Variants in VAV1 observed in about 807,000 individuals in gnomAD.
VAV1 encodes proto-oncogene vav.
A neutral mutation model predicts 128.1 loss-of-function variants in VAV1; 33 were observed. The ratio of observed to expected loss-of-function variants is 0.26; its 90% CI spans 0.20 to 0.34. VAV1 has a LOEUF of 0.34. VAV1 is among the 10% of genes least tolerant of loss of function. The probability of loss-of-function intolerance (pLI) is 1.00; values close to 1 mark genes in which losing one functional copy is unlikely to be tolerated. For missense variants in VAV1, 715 were observed against 1,093.7 expected, an observed-to-expected ratio of 0.65 and a Z score of 4.88; for synonymous variants, 394 against 409.8, an observed-to-expected ratio of 0.96 and a Z score of 0.47.
chr19:6,808,264 A>T (rs563771214), intron 1 of VAV1, among the ~76,000 whole-genome samples: 20 of 151,944 alleles, frequency 1.3e-4, no homozygotes, highest in Non-Finnish European at 2.6e-4. Context: ...GTGAGCCAAG[A>T]TCACACCATT....
At chr19:6,818,024 G>GC (rs1236976758) in intron 1 of VAV1, among the ~76,000 whole-genome samples, 1 of 152,070 alleles carries the variant, frequency 6.6e-6, no homozygotes, top group Non-Finnish European at 1.5e-5. Context: ...TCATTATGTG[G>GC]CCCCAGGCTG....
At chr19:6,816,264 C>T (rs1971646326) in intron 1 of VAV1, among the ~76,000 whole-genome samples, 1 of 152,070 alleles carries the variant, frequency 6.6e-6, no homozygotes, top group African/African-American at 2.4e-5. Context: ...TCATGATCTG[C>T]CCTCCTCGGC....
Position 6,828,362 on chromosome 19 carries a change from T to G in VAV1, c.1024-57T>G. ...TGAGCTAGCATTGTTTGGAAGGCCC[T>G]CCCCGCAGGGAGAAGGGGAGGGGCC... On this transcript the variant is annotated intron_variant, in intron 10 of 26. Coordinates refer to ENST00000602142, the MANE Select transcript of VAV1 (RefSeq NM_005428.4). The surrounding 1 kb of genome is among the most constrained non-coding windows in gnomAD (Gnocchi z 4.5). The G allele has an allele frequency of 1.2e-6, 2 of 1,604,342 alleles. No homozygotes were observed. Among genetic ancestry groups the G allele is most frequent in the Admixed American group, 3.3e-5 (2 of 59,856 alleles).
At chr19:6,832,570 C>CCTTCCTCCTCCTCGCCCTCCTCTTCCT (rs1568309585) in intron 15 of VAV1, among the ~76,000 whole-genome samples, 5 of 123,848 alleles carry the variant, frequency 4.0e-5, no homozygotes, top group Non-Finnish European at 7.9e-5. Flanking sequence ...TCCTTCCTCC[C>CCTTCCTCCTCCTCGCCCTCCTCTTCCT]CTTCCTCCTC....
chr19:6,853,861 A>G, intron 25 of VAV1, 86 bp from the exon 26 acceptor site: 1 of 1,532,462 alleles, frequency 6.5e-7, no homozygotes, highest in Non-Finnish European at 8.8e-7. Context: ...TTTATCCTGG[A>G]GTTACTGTCC....
chr19:6,838,758 C>T (rs1972294362), intron 21 of VAV1, among the ~76,000 whole-genome samples: 1 of 152,028 alleles, frequency 6.6e-6, no homozygotes, highest in African/African-American at 2.4e-5. Context: ...GAGAGAGGGT[C>T]TCATTCTGTC....
At position 6,820,907 on chromosome 19, in the gene VAV1, A is replaced by C; in HGVS notation, c.321+89A>C. On this transcript the variant is annotated intron_variant, in intron 2 of 26. Transcript: ENST00000602142. This position sits in a 1 kb window ranked among gnomAD's most constrained non-coding sequence, Gnocchi z 4.4. ...GGCAAGCTAAGGACTGTCAGGGGAC[A>C]GGCAGACAAGCCAGACCAGGCCATA... 7.8e-7 allele frequency: 1 copy of C among 1,280,196 alleles called. No individual in the cohort carries two copies. Among genetic ancestry groups the C allele is most frequent in the South Asian group, 1.2e-5 (1 of 82,558 alleles). 79.3% of individuals were successfully genotyped at this position (1,280,196 alleles called of 1,614,324 possible).
intron 1 of VAV1, among the ~76,000 whole-genome samples, chr19:6,782,780 G>C (rs184235761): frequency 6.6e-6 from 1 of 152,114 alleles, no homozygotes; most frequent in East Asian, 1.9e-4. Context: ...TACCTAGGAC[G>C]CTGAGGCAGG....
intron 1 of VAV1, among the ~76,000 whole-genome samples, chr19:6,795,649 G>A (rs1971116706): frequency 6.6e-6 from 1 of 151,960 alleles, no homozygotes; most frequent in Non-Finnish European, 1.5e-5. Flanking sequence ...GGTCCTGCTG[G>A]TTTTGGGGTT....
At chr19:6,824,160 C>A (rs1971859168) in intron 6 of VAV1, among the ~76,000 whole-genome samples, 1 of 151,804 alleles carries the variant, frequency 6.6e-6, no homozygotes, top group African/African-American at 2.4e-5. Flanking sequence ...AGGCTGGTCT[C>A]CTACTCCTGG....
chr19:6,825,264 T>G, intron 7 of VAV1, 39 bp from the exon 8 acceptor site: 3 of 1,592,780 alleles, frequency 1.9e-6, no homozygotes, highest in Non-Finnish European at 2.6e-6. Context: ...CCCTGAGCCC[T>G]GGGCTCTGGT....
rs200232544 is a variant in VAV1, at chr19:6,848,055, C to T, written c.2070C>T (p.Asp690=). Residue 690 remains aspartate, a synonymous_variant, in exon 23 of 27, where the codon GAC becomes GAT. Coordinates refer to ENST00000602142, the MANE Select transcript of VAV1 (RefSeq NM_005428.4). ...GAESILANRS[D]GTFLVRQRVK... is the part of the protein sequence containing the mutation. ...AGAGCATCCTGGCCAACCGCTCGGA[C>T]GGGACTTTCTTGGTGCGGCAGAGGG... 1.9e-5 allele frequency: 29 copies of T among 1,542,498 alleles called. No homozygotes were observed. Among genetic ancestry groups the T allele is most frequent in the East Asian group, 1.8e-4 (7 of 38,300 alleles).
At chr19:6,836,161 A>C (rs1972217443) in intron 19 of VAV1, 3 of 320,416 alleles carry the variant, frequency 9.4e-6, no homozygotes, top group South Asian at 6.9e-5. Flanking sequence ...GACATGAGCC[A>C]CCGTGCCCAG....
At chr19:6,848,547 C>T (rs983911584) in intron 23 of VAV1, among the ~76,000 whole-genome samples, 4 of 150,914 alleles carry the variant, frequency 2.7e-5, no homozygotes, top group Non-Finnish European at 5.9e-5. Flanking sequence ...GGATTACAGG[C>T]GCCTGTGACC....
At chr19:6,804,645 G>T (rs888805395) in intron 1 of VAV1, among the ~76,000 whole-genome samples, 2 of 151,386 alleles carry the variant, frequency 1.3e-5, no homozygotes, top group Admixed American at 6.6e-5. Context: ...TCAAATTTCC[G>T]ACCTCAGGTG....
rs185080588 is a variant in VAV1 at position 6,779,845 on chromosome 19, C to T, written c.204+6834C>T. Among the ~76,000 whole-genome samples the T allele has an allele frequency of 6.2e-3, 917 of 148,742 alleles. 22 individuals are homozygous for T. Among genetic ancestry groups the T allele is most frequent in the African/African-American group, 0.022 (893 of 40,920 alleles). On this transcript the variant is annotated intron_variant, in intron 1 of 26. Transcript: ENST00000602142. ...AATAATAAAAGGCCGGGCACGGTGA[C>T]TCACACCTGTAATTCCAGCACTTTG...
At chr19:6,793,228 G>C (rs1462649740) in intron 1 of VAV1, among the ~76,000 whole-genome samples, 1 of 152,030 alleles carries the variant, frequency 6.6e-6, no homozygotes, top group Non-Finnish European at 1.5e-5. Context: ...CAGCTACTCC[G>C]GAGGCTGAGG....
intron 6 of VAV1, among the ~76,000 whole-genome samples, chr19:6,824,320 C>T (rs764279690): frequency 3.2e-4 from 48 of 152,168 alleles, no homozygotes; most frequent in African/African-American, 9.4e-4. Context: ...TATCTTCCCC[C>T]GGTCCATGGC....
rs78020942 is a variant in VAV1, at chr19:6,855,700, C to T, written c.2485-1354C>T. On this transcript the variant is annotated intron_variant, in intron 26 of 26. Coordinates refer to ENST00000602142, the MANE Select transcript of VAV1 (RefSeq NM_005428.4). ...CTATCTCTATATTTATCCATCCATA[C>T]ACCTACTCACCAGTCCATTAATTCA... 2.5e-3 allele frequency among the ~76,000 whole-genome samples: 379 copies of T among 152,078 alleles called. 4 individuals carry two copies. The highest frequency in any genetic ancestry group is 7.8e-3 in the African/African-American group (323 of 41,498).
Sources: gnomAD v4.1 joint callset for allele counts (sites outside exome capture counted in the v4.1 genomes callset) on GRCh38, gnomAD v4.1.1 for gene constraint, Gnocchi (gnomAD v3.1) non-coding constraint, MANE v1.5 for transcripts, NCBI Gene and HGNC (gene_info 2026-07-23, HGNC 2026-07-21) for gene names.